The following HCRTR2 variants were observed in gnomAD, a reference collection of about 807,000 sequenced individuals.
HCRTR2 encodes orexin receptor type 2.
A neutral mutation model predicts 49.0 loss-of-function variants in HCRTR2; 22 were observed. That is an observed-to-expected ratio of 0.45 (90% CI 0.32 to 0.64). The LOEUF (loss-of-function observed/expected upper bound fraction) is 0.64, where lower values mean the gene tolerates loss of function less well. HCRTR2 is among the 30% of genes least tolerant of loss of function. HCRTR2 has a pLI of 0.04. For missense variants in HCRTR2, 491 were observed against 559.4 expected, an observed-to-expected ratio of 0.88 and a Z score of 1.23; for synonymous variants, 236 against 205.3, an observed-to-expected ratio of 1.15 and a Z score of -1.28.
intron 3 of HCRTR2, among the ~76,000 whole-genome samples, chr6:55,259,685 A>G (rs1206157129): frequency 6.6e-6 from 1 of 151,730 alleles, no homozygotes; most frequent in Non-Finnish European, 1.5e-5. Flanking sequence ...ATTTATTTAG[A>G]TTGTGCTTAT....
intron 4 of HCRTR2, among the ~76,000 whole-genome samples, chr6:55,266,472 T>G (rs1027691677): frequency 6.6e-6 from 1 of 152,146 alleles, no homozygotes; most frequent in African/African-American, 2.4e-5. Flanking sequence ...AGAAATGGAT[T>G]AGAATCTGAA....
At chr6:55,224,843 G>C (rs770767845) in intron 1 of HCRTR2, among the ~76,000 whole-genome samples, 1 of 152,066 alleles carries the variant, frequency 6.6e-6, no homozygotes, top group Non-Finnish European at 1.5e-5. Flanking sequence ...GGTGATTATC[G>C]GGTGCTGGGA....
chr6:55,253,040 A>C lies in HCRTR2; in HGVS notation c.403-2096A>C, dbSNP rs139043127. 6.1e-3 allele frequency among the ~76,000 whole-genome samples: 925 copies of C among 152,204 alleles called. 37 individuals carry two copies. The highest frequency in any genetic ancestry group is 0.051 in the Admixed American group (776 of 15,236). ...AAACTGAGGAATGGAGAGGTTAAATAATCTCCTTAAGATCACTCCATATGT... is the reference window on the plus strand; with the variant it reads ...AAACTGAGGAATGGAGAGGTTAAATCATCTCCTTAAGATCACTCCATATGT... On this transcript the variant is annotated intron_variant, in intron 2 of 6. Coordinates refer to ENST00000370862, the MANE Select transcript of HCRTR2 (RefSeq NM_001384272.1).
At chr6:55,126,365 G>A (rs565510126) in intron 1 of HCRTR2, among the ~76,000 whole-genome samples, 89 of 152,256 alleles carry the variant, frequency 5.8e-4, no homozygotes, top group East Asian at 1.2e-3. Context: ...CCCCTCTTCA[G>A]CAGGTCTGCT....
In HCRTR2 at chr6:55,253,813, T is replaced by C. The variant is rs534804900; in HGVS notation, c.403-1323T>C. On this transcript the variant is annotated intron_variant, in intron 2 of 6. Transcript: ENST00000370862. ...AATACTACATGTTCTCATTTATAAA[T>C]GGGAGCTAAATGATGAGAACACATG... Among the ~76,000 whole-genome samples, 25 of 152,040 alleles carry C rather than the reference T, an allele frequency of 1.6e-4. No homozygotes were observed. In the East Asian group the frequency reaches 4.5e-3, roughly 27 times the overall value.
At chr6:55,200,233 TC>T (rs1765487423) in intron 1 of HCRTR2, among the ~76,000 whole-genome samples, 3 of 123,116 alleles carry the variant, frequency 2.4e-5, no homozygotes, top group South Asian at 3.0e-4. Flanking sequence ...TTGTTTGCTG[TC>T]TTGTGTGTGT....
chr6:55,198,216 A>G (rs887572227), intron 1 of HCRTR2, among the ~76,000 whole-genome samples: 5 of 152,140 alleles, frequency 3.3e-5, no homozygotes, highest in Non-Finnish European at 7.3e-5. Context: ...CATCACTGAC[A>G]CTACCCAAAT....
At chr6:55,115,075 G>A (rs1360193148) in intron 1 of HCRTR2, among the ~76,000 whole-genome samples, 2 of 151,792 alleles carry the variant, frequency 1.3e-5, no homozygotes, top group Admixed American at 6.6e-5. Flanking sequence ...TTCCAATAGT[G>A]TTTGCAGAAT....
chr6:55,154,667 C>A (rs1487570210), intron 1 of HCRTR2, among the ~76,000 whole-genome samples: 1 of 150,202 alleles, frequency 6.7e-6, no homozygotes, highest in African/African-American at 2.4e-5. Flanking sequence ...CTAGTCTGGA[C>A]AATTGGGCAA....
At position 55,195,224 on chromosome 6, in the gene HCRTR2, G is replaced by A. The variant is rs138223554; in HGVS notation, c.223+20414G>A. ...TTCTTAAAAGACAAATATCACAATAGGAAACACCTCAGAAAGGGAAATCTC... is the reference window on the plus strand; with the variant it reads ...TTCTTAAAAGACAAATATCACAATAAGAAACACCTCAGAAAGGGAAATCTC... On this transcript the variant is annotated intron_variant, in intron 1 of 6. Transcript: ENST00000370862. Among the ~76,000 whole-genome samples the A allele has an allele frequency of 4.5e-3, 687 of 152,098 alleles. 1 individual carries two copies. Among genetic ancestry groups the A allele is most frequent in the African/African-American group, 0.015 (629 of 41,522 alleles).
chr6:55,186,941 A>G (rs147888292), intron 1 of HCRTR2, among the ~76,000 whole-genome samples: 37 of 152,290 alleles, frequency 2.4e-4, no homozygotes, highest in Admixed American at 6.5e-4. Flanking sequence ...AAATAATAAC[A>G]CTTTCAGGTG....
intron 1 of HCRTR2, among the ~76,000 whole-genome samples, chr6:55,209,599 C>G (rs1398694475): frequency 6.6e-6 from 1 of 152,114 alleles, no homozygotes; most frequent in African/African-American, 2.4e-5. Context: ...AACTAGGTAG[C>G]CACAAATGAG....
chr6:55,238,957 G>A (rs1199141747), intron 1 of HCRTR2, among the ~76,000 whole-genome samples: 1 of 152,110 alleles, frequency 6.6e-6, no homozygotes, highest in African/African-American at 2.4e-5. Context: ...TAATGCAAAA[G>A]GGTCAAAGAG....
chr6:55,136,165 A>G (rs941460356), intron 1 of HCRTR2, among the ~76,000 whole-genome samples: 2 of 152,134 alleles, frequency 1.3e-5, no homozygotes, highest in African/African-American at 4.8e-5. Context: ...TGTATTCCAC[A>G]TTGTGCTGAA....
In HCRTR2 at chr6:55,155,206, A is replaced by G. The variant is rs76188146; in HGVS notation, c.-377-19005A>G. Among the ~76,000 whole-genome samples, 716 of 150,694 alleles carry G rather than the reference A, an allele frequency of 4.8e-3. 2 individuals are homozygous for G. Among genetic ancestry groups the G allele is most frequent in the African/African-American group, 0.012 (511 of 41,238 alleles). ...TCAAAATACCAATATTTTTTTTTTTACAGAAATGAAAACACAATCTTAACA... is the reference window on the plus strand; with the variant it reads ...TCAAAATACCAATATTTTTTTTTTTGCAGAAATGAAAACACAATCTTAACA... On this transcript the variant is annotated intron_variant, in intron 1 of 7. Coordinates refer to the HCRTR2 transcript ENST00000615358.
chr6:55,126,502 T>G (rs1219271778), intron 1 of HCRTR2, among the ~76,000 whole-genome samples: 1 of 152,180 alleles, frequency 6.6e-6, no homozygotes, highest in Non-Finnish European at 1.5e-5. Flanking sequence ...CCCTGCCAGA[T>G]GCCAGCCAGA....
intron 1 of HCRTR2, among the ~76,000 whole-genome samples, chr6:55,139,326 T>C (rs550952290): frequency 2.8e-4 from 43 of 152,258 alleles, no homozygotes; most frequent in African/African-American, 9.9e-4. Context: ...AAGAATAGAC[T>C]AAAATAAATT....
intron 4 of HCRTR2, among the ~76,000 whole-genome samples, chr6:55,267,037 G>A (rs958306406): frequency 6.6e-6 from 1 of 152,112 alleles, no homozygotes; most frequent in Admixed American, 6.6e-5. Context: ...AGATTGGAAT[G>A]GAAAATACCA....
At chr6:55,169,877 C>T (rs548727047), upstream of HCRTR2, among the ~76,000 whole-genome samples, 1 of 152,024 alleles carries the variant, frequency 6.6e-6, no homozygotes, top group South Asian at 2.1e-4. Flanking sequence ...AATCCTTATA[C>T]CCCAGCTCCT....
Sources: allele counts gnomAD v4.1 joint callset (sites outside exome capture counted in the v4.1 genomes callset), GRCh38; gene constraint gnomAD v4.1.1; transcripts MANE v1.5; gene names NCBI Gene and HGNC (gene_info 2026-07-23, HGNC 2026-07-21).